The following SEL1L2 variants were observed in gnomAD, a reference collection of about 807,000 sequenced individuals.
The protein encoded by SEL1L2 is SEL1L2 adaptor subunit of SYVN1 ubiquitin ligase, also known as protein sel-1 homolog 2.
A neutral mutation model predicts 98.8 loss-of-function variants in SEL1L2; 89 were observed. The observed-to-expected ratio is 0.90, with a 90% CI of 0.76 to 1.07. The LOEUF (loss-of-function observed/expected upper bound fraction) is 1.07. Ranked by LOEUF, SEL1L2 falls within the 50% of genes least tolerant of loss-of-function variation. The pLI is 0.00. For missense variants in SEL1L2, 788 were observed against 812.0 expected (o/e 0.97, Z 0.36); for synonymous variants, 262 against 278.5 (o/e 0.94, Z 0.59).
At chr20:13,894,463 G>A (rs1276902710) in intron 5 of SEL1L2, among the ~76,000 whole-genome samples, 1 of 152,160 alleles carries the variant, frequency 6.6e-6, no homozygotes, top group African/African-American at 2.4e-5. Context: ...GGGAGGCTGA[G>A]GCAGGAGAAT....
chr20:13,954,451 C>T (rs1277910076), intron 2 of SEL1L2, among the ~76,000 whole-genome samples: 1 of 151,976 alleles, frequency 6.6e-6, no homozygotes, highest in East Asian at 1.9e-4. Context: ...TGTGCTTGGG[C>T]CAATGGAATT....
In SEL1L2 at chr20:13,850,221, C is replaced by G. The variant is rs201001973; in HGVS notation, c.1917G>C (p.Thr639=). The part of the protein sequence containing the change: ...VLFAVMKLET[T]HLLRDILFFN... ...AAAACAGGATATCCCGGAGCAAATGCGTAGTTTCCAGTTTCATGACGGCAA... is the reference window on the plus strand; with the variant it reads ...AAAACAGGATATCCCGGAGCAAATGGGTAGTTTCCAGTTTCATGACGGCAA... The change falls in exon 19 of 20, where the codon ACG becomes ACC. Residue 639 remains threonine, a synonymous_variant. Transcript: ENST00000284951. 1.2e-6 allele frequency: 2 copies of G among 1,613,806 alleles called. No homozygotes were observed. Among genetic ancestry groups the G allele is most frequent in the Non-Finnish European group, 1.7e-6 (2 of 1,179,882 alleles).
intron 5 of SEL1L2, among the ~76,000 whole-genome samples, chr20:13,910,565 G>A (rs185894861): frequency 6.6e-6 from 1 of 152,312 alleles, no homozygotes; most frequent in East Asian, 1.9e-4. Context: ...CCTGAGGTCT[G>A]TAACTGTACA....
rs78386032 is a variant in SEL1L2 at position 13,858,726 on chromosome 20, C to T, written c.1818+536G>A. Among the ~76,000 whole-genome samples the T allele has an allele frequency of 2.6e-4, 40 of 152,320 alleles. No homozygotes were observed. In the East Asian group the frequency reaches 6.0e-3, roughly 23 times the overall value. On this transcript the variant is annotated intron_variant, in intron 18 of 19. Transcript: ENST00000284951. ...GTTTTTCTAAGTGAATATGACTCAT[C>T]GCCTCAAGTCAAGTGTAGTCTTGGG...
intron 5 of SEL1L2, among the ~76,000 whole-genome samples, chr20:13,898,031 T>C (rs1422938324): frequency 1.3e-5 from 2 of 151,968 alleles, no homozygotes; most frequent in Non-Finnish European, 2.9e-5. Flanking sequence ...GCACTGTTAG[T>C]GGGAATGTGA....
chr20:13,870,203 C>T lies in SEL1L2; in HGVS notation c.1105G>A (p.Gly369Ser). ...AGCCCATGAAGGCCGATTGCATTGC[C>T]CTAGAAGAGTTTTATAAAGCCAAGT... ...FKYFSMAASK[G>S]NAIGLHGLGL... The change falls in exon 13 of 20, where the codon GGC becomes AGC. Residue 369 changes from glycine to serine, a missense_variant and splice_region_variant. Transcript: ENST00000284951. 1.2e-6 allele frequency: 2 copies of T among 1,607,306 alleles called. No homozygotes were observed. Among genetic ancestry groups the T allele is most frequent in the Non-Finnish European group, 1.7e-6 (2 of 1,176,142 alleles).
intron 18 of SEL1L2, among the ~76,000 whole-genome samples, chr20:13,856,032 A>C (rs1459088406): frequency 6.6e-6 from 1 of 152,240 alleles, no homozygotes; most frequent in African/African-American, 2.4e-5. Context: ...ACCTGAGCCA[A>C]GGTACAGACA....
At chr20:13,988,303 G>A (rs1039123593) in intron 1 of SEL1L2, among the ~76,000 whole-genome samples, 3 of 152,108 alleles carry the variant, frequency 2.0e-5, no homozygotes, top group Non-Finnish European at 4.4e-5. Flanking sequence ...CTCCCAAAGC[G>A]CTGGGATTAC....
intron 5 of SEL1L2, among the ~76,000 whole-genome samples, chr20:13,910,995 G>C (rs2048183907): frequency 6.6e-6 from 1 of 152,158 alleles, no homozygotes; most frequent in African/African-American, 2.4e-5. Flanking sequence ...GTCATATTTT[G>C]ACCTTCTATC....
At chr20:13,955,929 T>C in intron 2 of SEL1L2, 147 bp downstream of exon 2, 2 of 578,268 alleles carry the variant, frequency 3.5e-6, no homozygotes, top group Non-Finnish European at 6.0e-6. Context: ...ACTAAGCAAA[T>C]GTTTGTTGAA....
At chr20:13,958,821 G>A (rs573076666) in intron 1 of SEL1L2, among the ~76,000 whole-genome samples, 2 of 151,288 alleles carry the variant, frequency 1.3e-5, no homozygotes, top group South Asian at 4.2e-4. Flanking sequence ...GCAGGCGCCT[G>A]TAGTCCCAGC....
intron 1 of SEL1L2, among the ~76,000 whole-genome samples, chr20:13,976,544 A>G (rs1361052114): frequency 6.6e-6 from 1 of 152,184 alleles, no homozygotes; most frequent in Non-Finnish European, 1.5e-5. Flanking sequence ...GAAATAAAAT[A>G]CGTGTGTAGC....
intron 11 of SEL1L2, among the ~76,000 whole-genome samples, chr20:13,876,343 C>T (rs6079202): frequency 6.7e-6 from 1 of 150,072 alleles, no homozygotes; most frequent in Non-Finnish European, 1.5e-5. Flanking sequence ...TTACAGACTT[C>T]TGGAGTGACC....
In SEL1L2 at chr20:13,939,040, G is replaced by GGTTTTTTTTTTTTTTTT; in HGVS notation, c.115-7270_115-7269insAAAAAAAAAAAAAAAAC. 6.7e-4 allele frequency among the ~76,000 whole-genome samples: 76 copies of GGTTTTTTTTTTTTTTTT among 114,076 alleles called. 13 individuals are homozygous for GGTTTTTTTTTTTTTTTT. The highest frequency in any genetic ancestry group is 7.0e-4 in the Non-Finnish European group (40 of 57,530). 74.8% of individuals were successfully genotyped at this position (114,076 alleles called of 152,430 possible). On this transcript the variant is annotated intron_variant, in intron 2 of 19. Coordinates refer to ENST00000284951, the MANE Select transcript of SEL1L2 (RefSeq NM_025229.2). ...TCTTTTTGGTTTGTTTGCTTGTTTT[G>GGTTTTTTTTTTTTTTTT]TTTTTTTTTTTTTTTTTTTCTGAGA...
At chr20:13,859,230 T>C (rs998696289) in intron 18 of SEL1L2, 32 bp downstream of exon 18, 6 of 1,587,524 alleles carry the variant, frequency 3.8e-6, no homozygotes, top group Non-Finnish European at 5.2e-6. Flanking sequence ...CAGCTGTCAT[T>C]ACTAGGTTTG....
intron 5 of SEL1L2, among the ~76,000 whole-genome samples, chr20:13,896,721 C>A (rs1416636481): frequency 1.3e-5 from 2 of 152,066 alleles, no homozygotes; most frequent in African/African-American, 4.8e-5. Context: ...AAGACTTTTA[C>A]AGAAATCACT....
At chr20:13,963,606 T>C (rs1174315672) in intron 1 of SEL1L2, among the ~76,000 whole-genome samples, 4 of 151,474 alleles carry the variant, frequency 2.6e-5, no homozygotes, top group African/African-American at 9.7e-5. Flanking sequence ...GTCCCAGCTA[T>C]TCGGGGGGCT....
At chr20:13,974,475 C>CTTTTTTTTT (rs11484437) in intron 1 of SEL1L2, among the ~76,000 whole-genome samples, 3 of 80,188 alleles carry the variant, frequency 3.7e-5, no homozygotes, top group African/African-American at 5.0e-5. Context: ...CTCTCTCTCT[C>CTTTTTTTTT]TTTTTTTTTT....
intron 4 of SEL1L2, chr20:13,915,058 A>G (rs2048345413): frequency 8.0e-7 from 1 of 1,244,212 alleles, no homozygotes; most frequent in Non-Finnish European, 1.0e-6. Flanking sequence ...ACTCAAATAC[A>G]GGGAAAAAAA....
Sources: allele counts gnomAD v4.1 joint callset (sites outside exome capture counted in the v4.1 genomes callset), GRCh38; gene constraint gnomAD v4.1.1; transcripts MANE v1.5; gene names NCBI Gene and HGNC (gene_info 2026-07-23, HGNC 2026-07-21).